The following MFHAS1 variants were observed in gnomAD, a reference collection of about 807,000 sequenced individuals.
The protein encoded by MFHAS1 is malignant fibrous histiocytoma-amplified sequence 1.
In MFHAS1, 50 loss-of-function variants were observed where a neutral mutation model predicts 70.4. That is an observed-to-expected ratio of 0.71 (90% CI 0.57 to 0.90). MFHAS1 has a LOEUF of 0.90. Among genes scored for constraint, MFHAS1 ranks in the 40% least tolerant of loss-of-function variants. The pLI is 0.00. For synonymous variants in MFHAS1, 952 were observed against 620.0 expected (o/e 1.54, Z -7.96); for missense variants, 1,795 against 1,347.6 (o/e 1.33, Z -5.20).
At chr8:8,864,882 C>G (rs371749700) in intron 1 of MFHAS1, among the ~76,000 whole-genome samples, 1 of 152,036 alleles carries the variant, frequency 6.6e-6, no homozygotes, top group African/African-American at 2.4e-5. Context: ...ATTGTCTCAT[C>G]CAAAAAATTA....
chr8:8,874,711 T>A (rs951194182), intron 1 of MFHAS1, among the ~76,000 whole-genome samples: 1 of 150,688 alleles, frequency 6.6e-6, no homozygotes, highest in Non-Finnish European at 1.5e-5. Flanking sequence ...AAAAATGTTA[T>A]GAGGTTTTTT....
chr8:8,806,888 G>A (rs188022297), intron 1 of MFHAS1, among the ~76,000 whole-genome samples: 1,550 of 152,122 alleles, frequency 0.01, 11 homozygotes, highest in Non-Finnish European at 0.016. Flanking sequence ...TTGAACCCGG[G>A]AGGCAGAGGT....
In MFHAS1 at chr8:8,848,779, C is replaced by T. The variant is rs78397915; in HGVS notation, c.2998+41282G>A. ...AGACTGCTATGGCAAGCAGTCGGCC[C>T]ACAGGCTACTTAACACAAATGAATT... On this transcript the variant is annotated intron_variant, in intron 1 of 2. Coordinates refer to ENST00000276282, the MANE Select transcript of MFHAS1 (RefSeq NM_004225.3). Among the ~76,000 whole-genome samples the T allele has an allele frequency of 7.6e-3, 1,159 of 152,274 alleles. 27 individuals are homozygous for T. Among genetic ancestry groups the T allele is most frequent in the East Asian group, 0.05 (260 of 5,184 alleles).
chr8:8,854,599 T>C (rs933405197), intron 1 of MFHAS1, among the ~76,000 whole-genome samples: 1 of 150,172 alleles, frequency 6.7e-6, no homozygotes, highest in Non-Finnish European at 1.5e-5. Flanking sequence ...GTATGAGAAT[T>C]GCTTGAACCT....
At chr8:8,863,079 T>A (rs541226099) in intron 1 of MFHAS1, among the ~76,000 whole-genome samples, 155 of 152,314 alleles carry the variant, frequency 1.0e-3, no homozygotes, top group African/African-American at 3.4e-3. Context: ...ATCTGATTGT[T>A]TTGGCACCAC....
rs189901989 is a variant in MFHAS1, at chr8:8,860,842, T to C, written c.2998+29219A>G. On this transcript the variant is annotated intron_variant, in intron 1 of 2. Coordinates refer to ENST00000276282, the MANE Select transcript of MFHAS1 (RefSeq NM_004225.3). ...TCTAATTTTCATGCAAATTAAATCATTGGTCTCGTTTCCATTTCTTCTGGG... is the reference window on the plus strand; with the variant it reads ...TCTAATTTTCATGCAAATTAAATCACTGGTCTCGTTTCCATTTCTTCTGGG... Among the ~76,000 whole-genome samples the C allele has an allele frequency of 1.2e-3, 178 of 152,366 alleles. 1 individual carries two copies. The highest frequency in any genetic ancestry group is 4.0e-3 in the African/African-American group (168 of 41,594).
chr8:8,879,984 G>C (rs761499961), intron 1 of MFHAS1, among the ~76,000 whole-genome samples: 11 of 152,208 alleles, frequency 7.2e-5, no homozygotes, highest in Non-Finnish European at 1.3e-4. Flanking sequence ...CTATGCAGAA[G>C]ACAAGAATTA....
chr8:8,858,940 C>G (rs759079713), intron 1 of MFHAS1, among the ~76,000 whole-genome samples: 4 of 152,212 alleles, frequency 2.6e-5, no homozygotes, highest in Non-Finnish European at 5.9e-5. Flanking sequence ...TTTTATATTT[C>G]TCAACATATT....
chr8:8,817,179 G>C (rs1806778167), intron 1 of MFHAS1, among the ~76,000 whole-genome samples: 1 of 151,710 alleles, frequency 6.6e-6, no homozygotes, highest in Non-Finnish European at 1.5e-5. Context: ...ATCTAAACTG[G>C]ATATTACATC....
chr8:8,816,649 G>T (rs758231168), intron 1 of MFHAS1, among the ~76,000 whole-genome samples: 1 of 152,118 alleles, frequency 6.6e-6, no homozygotes, highest in Admixed American at 6.6e-5. Flanking sequence ...GAAGCTCTAC[G>T]CAAACATGTA....
chr8:8,876,652 C>T (rs962358020), intron 1 of MFHAS1, among the ~76,000 whole-genome samples: 1 of 151,822 alleles, frequency 6.6e-6, no homozygotes, highest in African/African-American at 2.4e-5. Context: ...GCTGGGATTA[C>T]AGGTGTGAGC....
intron 1 of MFHAS1, among the ~76,000 whole-genome samples, chr8:8,812,272 G>A (rs1210746042): frequency 1.3e-5 from 2 of 152,154 alleles, no homozygotes; most frequent in Non-Finnish European, 1.5e-5. Flanking sequence ...GTGGTTCAGG[G>A]GTGTGGGGTA....
intron 2 of MFHAS1, among the ~76,000 whole-genome samples, chr8:8,792,427 T>C (rs1805750829): frequency 6.6e-6 from 1 of 152,044 alleles, no homozygotes; most frequent in African/African-American, 2.4e-5. Context: ...ATGGTGAAAC[T>C]CCTTCTCTAC....
chr8:8,825,199 G>C (rs960031230), intron 1 of MFHAS1, among the ~76,000 whole-genome samples: 1 of 152,192 alleles, frequency 6.6e-6, no homozygotes, highest in Non-Finnish European at 1.5e-5. Context: ...TTGAGATGGA[G>C]TCTCCCTCTA....
At chr8:8,881,081 T>C (rs974742009) in intron 1 of MFHAS1, among the ~76,000 whole-genome samples, 33 of 152,296 alleles carry the variant, frequency 2.2e-4, no homozygotes, top group African/African-American at 7.7e-4. Context: ...TCTGCCCACA[T>C]TCTTCTCCTG....
intron 1 of MFHAS1, among the ~76,000 whole-genome samples, chr8:8,881,363 G>A (rs766292100): frequency 6.6e-6 from 1 of 152,198 alleles, no homozygotes; most frequent in South Asian, 2.1e-4. Context: ...CCATCATATA[G>A]AGTACACATG....
Position 8,883,707 on chromosome 8 carries a change from C to CAAAAAAA in MFHAS1, c.2998+6347_2998+6353dup, listed in dbSNP as rs35799658. 2.0e-3 allele frequency among the ~76,000 whole-genome samples: 59 copies of CAAAAAAA among 29,552 alleles called. 4 individuals are homozygous for CAAAAAAA. The highest frequency in any genetic ancestry group is 8.0e-3 in the East Asian group (8 of 998). 19.4% of individuals were successfully genotyped at this position (29,552 alleles called of 152,430 possible). On this transcript the variant is annotated intron_variant, in intron 1 of 2. Transcript: ENST00000276282. ...TGGGCAACAGAGCGAGACTCAGTCT[C>CAAAAAAA]AAAAAAAAAAAAAAAAAAAAAAAAG... is the stretch of plus-strand genomic sequence containing the variant.
intron 1 of MFHAS1, among the ~76,000 whole-genome samples, chr8:8,845,057 T>C (rs1352787262): frequency 6.6e-6 from 1 of 152,230 alleles, no homozygotes; most frequent in Non-Finnish European, 1.5e-5. Flanking sequence ...AAGATACAAC[T>C]ACCCTCAGTA....
At chr8:8,867,429 C>T (rs892084747) in intron 1 of MFHAS1, among the ~76,000 whole-genome samples, 16 of 151,916 alleles carry the variant, frequency 1.1e-4, no homozygotes, top group African/African-American at 3.6e-4. Context: ...ATAGGTGTCG[C>T]ACAGAAAATT....
Sources: gnomAD v4.1 joint callset for allele counts (sites outside exome capture counted in the v4.1 genomes callset) on GRCh38, gnomAD v4.1.1 for gene constraint, MANE v1.5 for transcripts, NCBI Gene and HGNC (gene_info 2026-07-23, HGNC 2026-07-21) for gene names.